PHLDB2: variants seen among roughly 807,000 people sequenced by gnomAD.
The protein encoded by PHLDB2 is pleckstrin homology-like domain family B member 2.
In PHLDB2, 71 loss-of-function variants were observed where a neutral mutation model predicts 123.6. The observed-to-expected ratio is 0.57, with a 90% CI of 0.47 to 0.70. PHLDB2 has a LOEUF of 0.70. PHLDB2 is among the 30% of genes least tolerant of loss of function. The pLI, the probability that PHLDB2 is intolerant of heterozygous loss-of-function variation, is 0.00. For missense variants in PHLDB2, 1,446 were observed against 1,519.5 expected (o/e 0.95, Z 0.80); for synonymous variants, 547 against 541.6 (o/e 1.01, Z -0.14).
intron 2 of PHLDB2, among the ~76,000 whole-genome samples, chr3:111,896,979 A>T (rs2066908525): frequency 6.6e-6 from 1 of 152,206 alleles, no homozygotes; most frequent in African/African-American, 2.4e-5. Flanking sequence ...CAATGGTAAC[A>T]TCTTGCCAAA....
At chr3:111,935,590 A>G (rs2107584339) in intron 6 of PHLDB2, among the ~76,000 whole-genome samples, 1 of 152,258 alleles carries the variant, frequency 6.6e-6, no homozygotes, top group African/African-American at 2.4e-5. Flanking sequence ...AGGTCCCACA[A>G]CAGGCTGTCT....
chr3:111,740,187 A>G (rs1241692168), intron 1 of PHLDB2, among the ~76,000 whole-genome samples: 1 of 152,134 alleles, frequency 6.6e-6, no homozygotes, highest in East Asian at 1.9e-4. Flanking sequence ...ACCCAGACCC[A>G]TGCCTAGGGA....
At chr3:111,865,702 A>C (rs1369505490) in intron 1 of PHLDB2, among the ~76,000 whole-genome samples, 3 of 152,268 alleles carry the variant, frequency 2.0e-5, no homozygotes, top group Non-Finnish European at 4.4e-5. Context: ...TCTTTCTACT[A>C]GATTGGCCAC....
intron 1 of PHLDB2, among the ~76,000 whole-genome samples, chr3:111,767,664 A>G (rs1401749455): frequency 1.3e-5 from 2 of 152,238 alleles, no homozygotes; most frequent in East Asian, 3.8e-4. Flanking sequence ...TACCTGGCAT[A>G]TAGTGAAAGC....
chr3:111,949,193 C>A, intron 10 of PHLDB2, 118 bp downstream of exon 10: 2 of 1,203,624 alleles, frequency 1.7e-6, no homozygotes, highest in Non-Finnish European at 2.3e-6. Context: ...TCTGTTTGGC[C>A]AGAGGGGTAG....
chr3:111,972,593 A>G (rs1341442020), intron 16 of PHLDB2, among the ~76,000 whole-genome samples: 5 of 103,446 alleles, frequency 4.8e-5, no homozygotes, highest in Non-Finnish European at 1.2e-4. Flanking sequence ...TTCAGTATGT[A>G]TATATTTTCT....
chr3:111,757,169 G>C (rs148588701), intron 1 of PHLDB2, among the ~76,000 whole-genome samples: 3 of 152,084 alleles, frequency 2.0e-5, no homozygotes, highest in African/African-American at 7.2e-5. Context: ...GGAGTTCTCT[G>C]TATTTCCTTA....
intron 1 of PHLDB2, among the ~76,000 whole-genome samples, chr3:111,829,473 T>G (rs1467844988): frequency 2.0e-5 from 3 of 148,540 alleles, no homozygotes; most frequent in Non-Finnish European, 4.5e-5. Flanking sequence ...TTTTTGGTTT[T>G]TTTTTTTTTT....
intron 1 of PHLDB2, among the ~76,000 whole-genome samples, chr3:111,806,974 G>A (rs1463724288): frequency 6.6e-6 from 1 of 151,572 alleles, no homozygotes; most frequent in East Asian, 1.9e-4. Context: ...TCTAGTTATG[G>A]GACTTGTAAG....
chr3:111,757,003 T>A (rs899022290), intron 1 of PHLDB2, among the ~76,000 whole-genome samples: 2 of 152,278 alleles, frequency 1.3e-5, no homozygotes, highest in African/African-American at 4.8e-5. Flanking sequence ...TTGTAGAGTT[T>A]CTGGCTAGAG....
chr3:111,769,052 TGTGA>T (rs1188145769), intron 1 of PHLDB2, among the ~76,000 whole-genome samples: 1 of 152,226 alleles, frequency 6.6e-6, no homozygotes, highest in Non-Finnish European at 1.5e-5. Context: ...GACACGTGAC[TGTGA>T]GTGTTGCCAG....
intron 2 of PHLDB2, among the ~76,000 whole-genome samples, chr3:111,895,829 A>G (rs1401776689): frequency 6.7e-6 from 1 of 149,968 alleles, no homozygotes; most frequent in African/African-American, 2.5e-5. Context: ...GGCGTGGGCA[A>G]AAGAGTGAAA....
chr3:111,954,639 C>T (rs1419269186), intron 12 of PHLDB2, among the ~76,000 whole-genome samples: 1 of 152,182 alleles, frequency 6.6e-6, no homozygotes, highest in Non-Finnish European at 1.5e-5. Context: ...AGTTCCAGGG[C>T]TAAGCTTCCT....
chr3:111,766,055 T>C (rs187171778), intron 1 of PHLDB2, among the ~76,000 whole-genome samples: 36 of 152,366 alleles, frequency 2.4e-4, no homozygotes, highest in African/African-American at 7.7e-4. Context: ...TACAGCTTTG[T>C]TGTATAGATC....
At chr3:111,769,927 G>A (rs1309463980) in intron 1 of PHLDB2, among the ~76,000 whole-genome samples, 1 of 152,202 alleles carries the variant, frequency 6.6e-6, no homozygotes, top group African/African-American at 2.4e-5. Flanking sequence ...TATCTTAGCT[G>A]TTCAGACAAC....
At chr3:111,962,403 A>G in intron 13 of PHLDB2, 91 bp downstream of exon 13, 1 of 1,191,428 alleles carries the variant, frequency 8.4e-7, no homozygotes. Flanking sequence ...CTGTATATGC[A>G]CAAGCCCAAA....
At chr3:111,949,972 C>T in intron 10 of PHLDB2, 1 of 922,472 alleles carries the variant, frequency 1.1e-6, no homozygotes, top group Non-Finnish European at 1.3e-6. Context: ...CTTCTACTTT[C>T]CCAAAGGCAT....
chr3:111,913,304 C>T lies in PHLDB2; in HGVS notation c.1336-15C>T, dbSNP rs1307349086. 2.6e-6 allele frequency: 4 copies of T among 1,563,190 alleles called. No individual in the cohort carries two copies. The highest frequency in any genetic ancestry group is 2.7e-5 in the African/African-American group (2 of 73,112). On this transcript the variant is annotated splice_polypyrimidine_tract_variant and intron_variant, in intron 2 of 17. Coordinates refer to ENST00000431670, the MANE Select transcript of PHLDB2 (RefSeq NM_001134438.2). ...TCACAAACCCACTGACCTCCCCCTCCTCCCTGTGTTCCAGGAGAGACAGCG... is the reference window on the plus strand; with the variant it reads ...TCACAAACCCACTGACCTCCCCCTCTTCCCTGTGTTCCAGGAGAGACAGCG...
chr3:111,839,564 G>A (rs1327609328), intron 1 of PHLDB2, among the ~76,000 whole-genome samples: 1 of 152,142 alleles, frequency 6.6e-6, no homozygotes, highest in Non-Finnish European at 1.5e-5. Context: ...TGGCCTGTGA[G>A]TTTATCATTG....
Sources: allele counts gnomAD v4.1 joint callset (sites outside exome capture counted in the v4.1 genomes callset), GRCh38; gene constraint gnomAD v4.1.1; transcripts MANE v1.5; gene names NCBI Gene and HGNC (gene_info 2026-07-23, HGNC 2026-07-21).